The following PLIN4 variants were observed in gnomAD, a reference collection of about 807,000 sequenced individuals.
The protein encoded by PLIN4 is perilipin-4.
In PLIN4, 57 loss-of-function variants were observed where a neutral mutation model predicts 52.4. That is an observed-to-expected ratio of 1.09 (90% CI 0.88 to 1.36). PLIN4 has a LOEUF of 1.36. Ranked by LOEUF, PLIN4 falls within the 40% of genes most tolerant of loss-of-function variation. PLIN4 has a pLI of 0.00. For missense variants in PLIN4, 1,757 were observed against 1,770.3 expected (o/e 0.99, Z 0.13); for synonymous variants, 826 against 785.4 (o/e 1.05, Z -0.86).
Position 4,517,520 on chromosome 19 carries a change from T to TC in PLIN4, c.196+33dup, listed in dbSNP as rs566176587. 1,622 of 1,584,562 alleles carry TC rather than the reference T, an allele frequency of 1.0e-3. 25 individuals are homozygous for TC. In the African/African-American group the frequency reaches 0.02, roughly 19 times the overall value. ...CCTTCTCCCAGGTCCATGTGTAGAG[T>TC]CCCCCCACGCCCCCAGCTGGGCCAG... On this transcript the variant is annotated intron_variant, in intron 3 of 7. Coordinates refer to ENST00000301286, the MANE Select transcript of PLIN4 (RefSeq NM_001367868.2).
Position 4,517,524 on chromosome 19 carries a change from C to T in PLIN4, c.196+30G>A, listed in dbSNP as rs776300908. On this transcript the variant is annotated intron_variant, in intron 3 of 7. Coordinates refer to ENST00000301286, the MANE Select transcript of PLIN4 (RefSeq NM_001367868.2). ...CTCCCAGGTCCATGTGTAGAGTCCC[C>T]CCACGCCCCCAGCTGGGCCAGCCAC... 5 of 1,592,794 alleles carry T rather than the reference C, an allele frequency of 3.1e-6. No homozygotes were observed. The African/African-American group carries it at 6.7e-5, about 21-fold the overall frequency.
Position 4,513,159 on chromosome 19 carries a change from G to A in PLIN4, c.801C>T (p.Thr267=), listed in dbSNP as rs371658478. 1.2e-6 allele frequency: 2 copies of A among 1,611,976 alleles called. No homozygotes were observed. Among genetic ancestry groups the A allele is most frequent in the Non-Finnish European group, 1.7e-6 (2 of 1,179,226 alleles). Residue 267 remains threonine (T), a synonymous_variant, in exon 5 of 8, where the codon ACC becomes ACT. Coordinates refer to ENST00000301286, the MANE Select transcript of PLIN4 (RefSeq NM_001367868.2). ...TCACCCCACTACAGACGGTGTCCTT[G>A]GTACCTGTTAGGACAGTCTTACTGG... ...VDTSKTVLTG[T]KDTVCSGVTG... is the part of the protein sequence containing the mutation.
At chr19:4,505,082 A>G in intron 6 of PLIN4, 135 bp from the exon 7 acceptor site, 1 of 783,314 alleles carries the variant, frequency 1.3e-6, no homozygotes, top group Admixed American at 2.2e-5. Flanking sequence ...AGTCAGTTGT[A>G]CCACAGTGGG....
Position 4,502,584 on chromosome 19 carries a change from G to A in PLIN4, c.*1875C>T, listed in dbSNP as rs541021800. The A allele has an allele frequency of 2.9e-4, 64 of 218,498 alleles. No individual in the cohort carries two copies. The highest frequency in any genetic ancestry group is 1.4e-3 in the African/African-American group (60 of 41,918). The allele number at this position is 218,498 out of a possible 1,614,324, so 13.5% of individuals were successfully genotyped here. ...TCCGCGAGGCTAGGCTGGGAGGGTG[G>A]AGACCAGGCCTTCCCTGAGAGCCGC... On this transcript the variant is annotated 3_prime_UTR_variant, in exon 8 of 8. Transcript: ENST00000301286.
At chr19:4,508,078 G>A (rs557580251) in intron 6 of PLIN4, among the ~76,000 whole-genome samples, 6 of 152,216 alleles carry the variant, frequency 3.9e-5, no homozygotes, top group South Asian at 4.2e-4. Flanking sequence ...CCACAGCGCC[G>A]CCTTTCCATT....
chr19:4,505,406 C>T (rs1976062296), intron 6 of PLIN4, among the ~76,000 whole-genome samples: 1 of 152,202 alleles, frequency 6.6e-6, no homozygotes, highest in East Asian at 1.9e-4. Context: ...AGCCGGGAGC[C>T]TGCTTCCCGG....
At chr19:4,509,433 A>G (rs992637839) in intron 5 of PLIN4, among the ~76,000 whole-genome samples, 8 of 151,492 alleles carry the variant, frequency 5.3e-5, no homozygotes, top group Non-Finnish European at 8.8e-5. Context: ...CCTGGCCAAC[A>G]TGGTGAAACC....
rs781420008 is a variant in PLIN4, at chr19:4,512,066, C to G, written c.1894G>C (p.Asp632His). 3.7e-6 allele frequency: 6 copies of G among 1,612,018 alleles called. No individual in the cohort carries two copies. Among genetic ancestry groups the G allele is most frequent in the Non-Finnish European group, 5.1e-6 (6 of 1,179,646 alleles). Residue 632 changes from aspartate to histidine, a missense_variant, in exon 5 of 8, where the codon GAC becomes CAC. Coordinates refer to ENST00000301286, the MANE Select transcript of PLIN4 (RefSeq NM_001367868.2). Reference protein sequence around the residue: ...TTKTVLTGTKDTIYSGVTSAV... With the variant: ...TTKTVLTGTKHTIYSGVTSAV... ...CTGGTGACCCCACTGTAGATGGTGTCCTTGGTACCGGTTAGGACAGTTTTG... is the reference window on the plus strand; with the variant it reads ...CTGGTGACCCCACTGTAGATGGTGTGCTTGGTACCGGTTAGGACAGTTTTG...
chr19:4,505,030 C>T (rs1042095565), intron 6 of PLIN4, 83 bp from the exon 7 acceptor site: 165 of 1,311,380 alleles, frequency 1.3e-4, no homozygotes, highest in Non-Finnish European at 1.7e-4. Flanking sequence ...CCCCAGGGAC[C>T]TGGGCACATT....
chr19:4,505,044 A>G, intron 6 of PLIN4, 97 bp from the exon 7 acceptor site: 1 of 1,163,598 alleles, frequency 8.6e-7, no homozygotes, highest in South Asian at 1.3e-5. Context: ...GCACATTCAC[A>G]GTCCTGGGAG....
intron 5 of PLIN4, 40 bp from the exon 6 acceptor site, chr19:4,508,995 C>G: frequency 6.5e-7 from 1 of 1,548,566 alleles, no homozygotes; most frequent in Non-Finnish European, 8.7e-7. Context: ...GGAAGCCCCT[C>G]AGGGCATCAG....
At chr19:4,509,673 C>T (rs1976225342) in intron 5 of PLIN4, among the ~76,000 whole-genome samples, 2 of 151,982 alleles carry the variant, frequency 1.3e-5, no homozygotes, top group Admixed American at 6.6e-5. Flanking sequence ...GGTATGGTGG[C>T]TCATGCCTGT....
chr19:4,516,517 G>A (rs1976585520), intron 4 of PLIN4, 100 bp downstream of exon 4: 4 of 1,395,186 alleles, frequency 2.9e-6, no homozygotes, highest in Non-Finnish European at 3.9e-6. Flanking sequence ...AAATGTCCCA[G>A]GAGGGAGCAG....
At position 4,512,499 on chromosome 19, in the gene PLIN4, G is replaced by T; in HGVS notation, c.1461C>A (p.Gly487=). Residue 487 remains glycine (G), a synonymous_variant, in exon 5 of 8, where the codon GGC becomes GGA. Coordinates refer to ENST00000301286, the MANE Select transcript of PLIN4 (RefSeq NM_001367868.2). ...ANVAKGAVQG[G]LDTTKSVLTG... is the part of the protein sequence containing the mutation. ...TCAGGACAGACTTTGTAGTGTCCAGGCCGCCCTGGACGGCCCCTTTGGCCA... is the reference window on the plus strand; with the variant it reads ...TCAGGACAGACTTTGTAGTGTCCAGTCCGCCCTGGACGGCCCCTTTGGCCA... 1.2e-6 allele frequency: 2 copies of T among 1,604,994 alleles called. No individual in the cohort carries two copies. The highest frequency in any genetic ancestry group is 1.7e-6 in the Non-Finnish European group (2 of 1,175,472).
Position 4,512,673 on chromosome 19 carries a change from T to TG in PLIN4, c.1286dup (p.Thr430AsnfsTer70), listed in dbSNP as rs1555693105. On this transcript the variant is annotated frameshift_variant, in exon 5 of 8. Transcript: ENST00000301286. LOFTEE classifies it high-confidence loss of function. ...TGCAGACGGTGTCCTTTGTACCTGT[T>TG]GCGATATTTTGGGTTGTGTTCAGCC... 1 of 1,550,364 alleles carries TG rather than the reference T, an allele frequency of 6.5e-7. No individual in the cohort carries two copies. Among genetic ancestry groups the TG allele is most frequent in the South Asian group, 1.1e-5 (1 of 88,556 alleles).
chr19:4,513,614 C>G lies in PLIN4; in HGVS notation c.346G>C (p.Val116Leu), dbSNP rs370733847. ...CCTCCCTGGACCACTCCCTTAGCCA[C>G]GTCCACCACGCTGGCCACCCCGGAG... ...VSSGVASVVDVAKGVVQGGLD... is the reference protein window; with the variant it reads ...VSSGVASVVDLAKGVVQGGLD... The change falls in exon 5 of 8, where the codon GTG becomes CTG. Residue 116 changes from valine (V) to leucine (L), a missense_variant. Coordinates refer to ENST00000301286, the MANE Select transcript of PLIN4 (RefSeq NM_001367868.2). 6 of 1,607,922 alleles carry G rather than the reference C, an allele frequency of 3.7e-6. No individual in the cohort carries two copies. Among genetic ancestry groups the G allele is most frequent in the Non-Finnish European group, 5.1e-6 (6 of 1,177,598 alleles).
At position 4,512,005 on chromosome 19, in the gene PLIN4, C is replaced by T. The variant is rs764605698; in HGVS notation, c.1955G>A (p.Gly652Glu). 3 of 1,609,580 alleles carry T rather than the reference C, an allele frequency of 1.9e-6. No homozygotes were observed. The highest frequency in any genetic ancestry group is 1.7e-6 in the Non-Finnish European group (2 of 1,177,956). Residue 652 changes from glycine (G) to glutamate (E), a missense_variant, in exon 5 of 8, where the codon GGG becomes GAG. Physicochemically the swap from Gly to Glu is moderately conservative, Grantham distance 98 (BLOSUM62 -2). Coordinates refer to ENST00000301286, the MANE Select transcript of PLIN4 (RefSeq NM_001367868.2). ...VNVAKGAVQT[G>E]LKTTQNIATG... ...CGCGATATTTTGGGTCGTTTTCAGC[C>T]CAGTTTGCACAGCCCCCTTGGCCAC...
In PLIN4 at chr19:4,502,587, A is replaced by T. The variant is rs1975952057; in HGVS notation, c.*1872T>A. On this transcript the variant is annotated 3_prime_UTR_variant, in exon 8 of 8. Coordinates refer to ENST00000301286, the MANE Select transcript of PLIN4 (RefSeq NM_001367868.2). Reference sequence around the variant, plus strand: ...GCGAGGCTAGGCTGGGAGGGTGGAGACCAGGCCTTCCCTGAGAGCCGCTGC... The same window carrying T: ...GCGAGGCTAGGCTGGGAGGGTGGAGTCCAGGCCTTCCCTGAGAGCCGCTGC... The T allele has an allele frequency of 4.7e-6, 1 of 211,190 alleles. No homozygotes were observed. The highest frequency in any genetic ancestry group is 9.4e-6 in the Non-Finnish European group (1 of 106,402). 13.1% of individuals were successfully genotyped at this position (211,190 alleles called of 1,614,324 possible). A position where few individuals can be genotyped will look rare whatever the true frequency, so the allele number is the denominator to read the frequency against.
rs781020038 is a variant in PLIN4, at chr19:4,513,597, G to C, written c.363C>G (p.Val121=). The C allele has an allele frequency of 1.0e-5, 16 of 1,605,934 alleles. No homozygotes were observed. The African/African-American group carries it at 2.0e-4, about 20-fold the overall frequency. Residue 121 remains valine (V), a synonymous_variant, in exon 5 of 8, where the codon GTC becomes GTG. Transcript: ENST00000301286. The part of the protein sequence containing the change: ...ASVVDVAKGV[V]QGGLDTTRSA... ...ACCGAGTGGTGTCCAGGCCTCCCTG[G>C]ACCACTCCCTTAGCCACGTCCACCA... is the stretch of plus-strand genomic sequence containing the variant.
Sources: gnomAD v4.1 joint callset for allele counts (sites outside exome capture counted in the v4.1 genomes callset) on GRCh38, gnomAD v4.1.1 for gene constraint, MANE v1.5 for transcripts, NCBI Gene and HGNC (gene_info 2026-07-23, HGNC 2026-07-21) for gene names.